HS3ST6: variants seen among roughly 807,000 people sequenced by gnomAD.
The protein encoded by HS3ST6 is heparan sulfate-glucosamine 3-sulfotransferase 6.
HS3ST6 carries 13 observed loss-of-function variants against 11.0 expected under a neutral mutation model. The observed-to-expected ratio is 1.18, with a 90% CI of 0.77 to 1.88. The LOEUF (loss-of-function observed/expected upper bound fraction) is 1.88, where lower values mean the gene tolerates loss of function less well. HS3ST6 is among the 40% of genes most tolerant of loss of function. The pLI, the probability that HS3ST6 is intolerant of heterozygous loss-of-function variation, is 0.00. For missense variants in HS3ST6, 541 were observed against 494.4 expected (o/e 1.09, Z -0.89); for synonymous variants, 232 against 230.6 (o/e 1.01, Z -0.06).
At chr16:1,914,797 A>G (rs552095839) in intron 1 of HS3ST6, among the ~76,000 whole-genome samples, 2 of 152,260 alleles carry the variant, frequency 1.3e-5, no homozygotes, top group Non-Finnish European at 2.9e-5. Flanking sequence ...CAGCTCAGAG[A>G]TCGGAGATCT....
intron 1 of HS3ST6, among the ~76,000 whole-genome samples, chr16:1,916,346 A>T (rs1253379046): frequency 6.6e-6 from 1 of 151,992 alleles, no homozygotes; most frequent in Non-Finnish European, 1.5e-5. Context: ...CCTTCTAAAA[A>T]ATGAGGACGT....
rs925138457 is a variant in HS3ST6 at position 1,911,577 on chromosome 16, C to T, written c.*13G>A. 7 of 1,581,854 alleles carry T rather than the reference C, an allele frequency of 4.4e-6. No homozygotes were observed. The African/African-American group carries it at 8.1e-5, about 18-fold the overall frequency. ...GGTGTCAATCAAGGTGCTGAGCATC[C>T]CCAGGGTGCCGCTCAGCCCCAGCCG... is the stretch of plus-strand genomic sequence containing the variant. On this transcript the variant is annotated 3_prime_UTR_variant, in exon 2 of 2. Transcript: ENST00000454677.
chr16:1,917,280 G>A (rs2082932349), intron 1 of HS3ST6, among the ~76,000 whole-genome samples: 1 of 152,132 alleles, frequency 6.6e-6, no homozygotes. Flanking sequence ...TTCAGCTGAG[G>A]CTGCCGCACC....
chr16:1,913,197 G>A (rs2082903360), intron 1 of HS3ST6, among the ~76,000 whole-genome samples: 1 of 152,250 alleles, frequency 6.6e-6, no homozygotes, highest in East Asian at 1.9e-4. Context: ...GAGGAAAGTC[G>A]GAGACGTGGC....
chr16:1,914,998 C>A (rs759362069), intron 1 of HS3ST6, among the ~76,000 whole-genome samples: 4 of 152,158 alleles, frequency 2.6e-5, no homozygotes, highest in Non-Finnish European at 5.9e-5. Context: ...CATTTCCCTG[C>A]GGCTTTCATC....
chr16:1,913,391 T>A (rs1417555122), intron 1 of HS3ST6, among the ~76,000 whole-genome samples: 1 of 152,144 alleles, frequency 6.6e-6, no homozygotes, highest in Non-Finnish European at 1.5e-5. Flanking sequence ...AGCCCAGGAC[T>A]GTCCCACCTG....
rs777317830 is a variant in HS3ST6, at chr16:1,912,183, C to T, written c.436G>A (p.Asp146Asn). ...GTCTTCTCCATGGTGATCTGCCCAT[C>T]CAGGGTTCGGGGCATCAGACTCCTG... ...WYRSLMPRTL[D>N]GQITMEKTPS... is the part of the protein sequence containing the mutation. The change falls in exon 2 of 2, where the codon GAT (aspartate) becomes AAT (asparagine). Residue 146 changes from aspartate to asparagine, a missense_variant. By Grantham distance (23) the Asp-to-Asn change is conservative (BLOSUM62 1). Coordinates refer to ENST00000454677, the MANE Select transcript of HS3ST6 (RefSeq NM_001009606.4). The surrounding 1 kb of genome is among the most constrained non-coding windows in gnomAD (Gnocchi z 5.6). The T allele has an allele frequency of 4.1e-6, 6 of 1,451,388 alleles. No homozygotes were observed. Among genetic ancestry groups the T allele is most frequent in the Non-Finnish European group, 5.4e-6 (6 of 1,102,804 alleles). 89.9% of individuals were successfully genotyped at this position (1,451,388 alleles called of 1,614,324 possible).
intron 1 of HS3ST6, among the ~76,000 whole-genome samples, chr16:1,914,384 G>A (rs996338362): frequency 2.0e-5 from 3 of 152,134 alleles, no homozygotes; most frequent in African/African-American, 7.2e-5. Context: ...CCCCCACCAC[G>A]GGACCTCGCT....
Position 1,918,284 on chromosome 16 carries a change from C to A in HS3ST6, c.40G>T (p.Gly14Cys). 2.3e-6 allele frequency: 2 copies of A among 878,836 alleles called. No individual in the cohort carries two copies. The highest frequency in any genetic ancestry group is 2.7e-6 in the Non-Finnish European group (2 of 730,540). The allele number at this position is 878,836 out of a possible 1,614,324, so 54.4% of individuals were successfully genotyped here. A position where few individuals can be genotyped will look rare whatever the true frequency, so the allele number is the denominator to read the frequency against. The change falls in exon 1 of 2, where the codon GGC becomes TGC. Residue 14 changes from glycine to cysteine, a missense_variant. Coordinates refer to ENST00000454677, the MANE Select transcript of HS3ST6 (RefSeq NM_001009606.4). This position sits in a 1 kb window ranked among gnomAD's most constrained non-coding sequence, Gnocchi z 6.0. Reference protein sequence around the residue: ...SGGLGGGAGGGQGAGAGQGAA... With the variant: ...SGGLGGGAGGCQGAGAGQGAA... ...CCTTGCCCGGCCCCTGCGCCCTGGCCGCCCCCGGCCCCGCCGCCCAGGCCG... is the reference window on the plus strand; with the variant it reads ...CCTTGCCCGGCCCCTGCGCCCTGGCAGCCCCCGGCCCCGCCGCCCAGGCCG...
At chr16:1,917,863 C>A (rs2082936654) in intron 1 of HS3ST6, 48 bp downstream of exon 1, 2 of 1,282,862 alleles carry the variant, frequency 1.6e-6, no homozygotes, top group Non-Finnish European at 2.0e-6. Context: ...GCGCACGATA[C>A]CCTCCCCAGG....
upstream of HS3ST6, among the ~76,000 whole-genome samples, chr16:1,920,290 A>T (rs1371862993): frequency 4.6e-4 from 65 of 142,854 alleles, 5 homozygotes; most frequent in Middle Eastern, 4.0e-3. Context: ...AGGAGCCCCC[A>T]CGGTCTCAGC....
In HS3ST6 at chr16:1,912,271, C is replaced by A. The variant is rs373522917; in HGVS notation, c.414-66G>T. 3 of 1,263,970 alleles carry A rather than the reference C, an allele frequency of 2.4e-6. No individual in the cohort carries two copies. In the East Asian group the frequency reaches 9.3e-5, roughly 39 times the overall value. 78.3% of individuals were successfully genotyped at this position (1,263,970 alleles called of 1,614,324 possible). ...AGCCCTAGACCGGCCCCCAGGGGCC[C>A]GGGACCAAGGCCCCCTTATGCCCGG... On this transcript the variant is annotated intron_variant, in intron 1 of 1. Transcript: ENST00000454677. This position sits in a 1 kb window ranked among gnomAD's most constrained non-coding sequence, Gnocchi z 5.6.
chr16:1,916,762 G>A (rs1306020208), intron 1 of HS3ST6, among the ~76,000 whole-genome samples: 15 of 19,282 alleles, frequency 7.8e-4, no homozygotes, highest in African/African-American at 1.9e-3. Context: ...CTCCTCCCCC[G>A]TCTCGCCACT....
At chr16:1,914,724 G>A (rs907821977) in intron 1 of HS3ST6, among the ~76,000 whole-genome samples, 25 of 152,308 alleles carry the variant, frequency 1.6e-4, no homozygotes, top group African/African-American at 5.3e-4. Context: ...ACCCCCTGCC[G>A]TGGAAGGGGA....
At chr16:1,913,623 C>T (rs1023044147) in intron 1 of HS3ST6, among the ~76,000 whole-genome samples, 19 of 152,278 alleles carry the variant, frequency 1.2e-4, no homozygotes, top group African/African-American at 3.4e-4. Context: ...TTGCCAGTCA[C>T]GCCCAGCCCT....
At chr16:1,916,681 AGT>A (rs746826345) in intron 1 of HS3ST6, among the ~76,000 whole-genome samples, 2 of 151,996 alleles carry the variant, frequency 1.3e-5, no homozygotes, top group African/African-American at 2.4e-5. Context: ...GTGGCTCTGA[AGT>A]GTTTACTCCA....
In HS3ST6 at chr16:1,912,059, G is replaced by A; in HGVS notation, c.560C>T (p.Ala187Val). ...GAGCGTCTGGGCGTAGTCGGAGATG[G>A]CCCGGGTCACGGGGTTCCGCACCAC... ...IVVVRNPVTR[A>V]ISDYAQTLSK... The change falls in exon 2 of 2, where the codon GCC becomes GTC. Residue 187 changes from alanine to valine, a missense_variant. By Grantham distance (64) the Ala-to-Val change is moderately conservative. Coordinates refer to ENST00000454677, the MANE Select transcript of HS3ST6 (RefSeq NM_001009606.4). The surrounding 1 kb of genome is among the most constrained non-coding windows in gnomAD (Gnocchi z 5.6). 2.0e-6 allele frequency: 3 copies of A among 1,515,052 alleles called. No homozygotes were observed. Among genetic ancestry groups the A allele is most frequent in the East Asian group, 2.3e-5 (1 of 43,172 alleles). The allele number at this position is 1,515,052 out of a possible 1,614,324, so 93.9% of individuals were successfully genotyped here. A position where few individuals can be genotyped will look rare whatever the true frequency, so the allele number is the denominator to read the frequency against.
At chr16:1,919,191 A>T (rs562977122), upstream of HS3ST6, among the ~76,000 whole-genome samples, 51 of 152,326 alleles carry the variant, frequency 3.3e-4, no homozygotes, top group South Asian at 1.7e-3. Flanking sequence ...GCCCAGAGAC[A>T]TCAGTGATGC....
chr16:1,915,887 G>A (rs1238925543), intron 1 of HS3ST6, among the ~76,000 whole-genome samples: 2 of 147,704 alleles, frequency 1.4e-5, no homozygotes, highest in Non-Finnish European at 3.0e-5. Context: ...CCGGGTCACC[G>A]CCTGGAACTA....
Sources: allele counts gnomAD v4.1 joint callset (sites outside exome capture counted in the v4.1 genomes callset), GRCh38; gene constraint gnomAD v4.1.1; non-coding constraint Gnocchi (gnomAD v3.1); transcripts MANE v1.5; gene names NCBI Gene and HGNC (gene_info 2026-07-23, HGNC 2026-07-21).